The following ZNF836 variants were observed in gnomAD, a reference collection of about 807,000 sequenced individuals.
The protein encoded by ZNF836 is zinc finger protein 836.
Under a neutral mutation model 7.4 loss-of-function variants are expected in ZNF836, and 12 were observed. The observed-to-expected ratio is 1.61, with a 90% CI of 1.03 to 2.61. The LOEUF is 2.61. Among genes scored for constraint, ZNF836 ranks in the 30% most tolerant of loss-of-function variants. The probability of loss-of-function intolerance (pLI) is 0.00; values close to 1 mark genes in which losing one functional copy is unlikely to be tolerated. For missense variants in ZNF836, 998 were observed against 1,126.2 expected, an observed-to-expected ratio of 0.89 and a Z score of 1.63; for synonymous variants, 365 against 382.6, an observed-to-expected ratio of 0.95 and a Z score of 0.54.
rs769683779 is a variant in ZNF836 at position 52,156,854 on chromosome 19, C to A, written c.829G>T (p.Gly277Cys). Residue 277 changes from glycine to cysteine, a missense_variant, in exon 5 of 5, where the codon GGT (glycine) becomes TGT (cysteine). By Grantham distance (159) the Gly-to-Cys change is radical. Transcript: ENST00000682614. Reference sequence around the variant, plus strand: ...TGTCTGAAGATCTTGCCACATACACCACATTGATATGGCTTCCCCCTTGTA... The same window carrying A: ...TGTCTGAAGATCTTGCCACATACACAACATTGATATGGCTTCCCCCTTGTA... ...VHTRGKPYQC[G>C]VCGKIFRQNS... The A allele has an allele frequency of 6.2e-7, 1 of 1,614,140 alleles. No homozygotes were observed. The highest frequency in any genetic ancestry group is 2.2e-5 in the East Asian group (1 of 44,872).
chr19:52,156,911 C>G lies in ZNF836; in HGVS notation c.772G>C (p.Gly258Arg). 6.2e-7 allele frequency: 1 copy of G among 1,614,004 alleles called. No individual in the cohort carries two copies. Among genetic ancestry groups the G allele is most frequent in the East Asian group, 2.2e-5 (1 of 44,866 alleles). Residue 258 changes from glycine to arginine, a missense_variant, in exon 5 of 5, where the codon GGC (glycine) becomes CGC (arginine). Physicochemically the swap from Gly to Arg is moderately radical, Grantham distance 125 (BLOSUM62 -2). Coordinates refer to ENST00000682614, the MANE Select transcript of ZNF836 (RefSeq NM_001102657.3). ...CNECGKAFHR[G>R]SLLTIHQIVH... ...ATCTGATGTATAGTTAGTAGTGAGC[C>G]CCGATGAAAGGCTTTGCCACATTCA...
intron 1 of ZNF836, among the ~76,000 whole-genome samples, chr19:52,170,812 C>A (rs1019989761): frequency 6.6e-6 from 1 of 152,310 alleles, no homozygotes; most frequent in South Asian, 2.1e-4. Context: ...CTCACCCACA[C>A]ATTCAGTAAG....
chr19:52,160,985 A>G (rs1189417636), intron 3 of ZNF836, among the ~76,000 whole-genome samples: 2 of 152,184 alleles, frequency 1.3e-5, no homozygotes, highest in Admixed American at 1.3e-4. Flanking sequence ...AACTGTGATG[A>G]CCACAGCAAC....
At chr19:52,162,632 C>T (rs962200457) in intron 3 of ZNF836, among the ~76,000 whole-genome samples, 1 of 152,152 alleles carries the variant, frequency 6.6e-6, no homozygotes, top group Admixed American at 6.5e-5. Flanking sequence ...GCTTTTTCAG[C>T]CCTCCAAATT....
intron 1 of ZNF836, among the ~76,000 whole-genome samples, chr19:52,170,831 G>A (rs1195484937): frequency 6.6e-6 from 1 of 152,178 alleles, no homozygotes; most frequent in Admixed American, 6.5e-5. Context: ...AGAAAGGGGA[G>A]GAATAGGATG....
Position 52,156,251 on chromosome 19 carries a change from C to T in ZNF836, c.1432G>A (p.Val478Ile), listed in dbSNP as rs1295926688. 1.2e-6 allele frequency: 2 copies of T among 1,614,170 alleles called. No individual in the cohort carries two copies. The highest frequency in any genetic ancestry group is 2.2e-5 in the East Asian group (1 of 44,882). ...ACAAGATGTGAAGTCTGACTGAAGA[C>T]CTTGCCACATTCATTGCATTTGTAA... Reference protein sequence around the residue: ...KPYKCNECGKVFSQTSHLVGH... With the variant: ...KPYKCNECGKIFSQTSHLVGH... The change falls in exon 5 of 5, where the codon GTC becomes ATC. Residue 478 changes from valine (V) to isoleucine (I), a missense_variant. Val to Ile is a conservative substitution (Grantham distance 29). Transcript: ENST00000682614.
Position 52,157,494 on chromosome 19 carries a change from G to A in ZNF836, c.189C>T (p.Asn63=). Residue 63 remains asparagine (N), a synonymous_variant, in exon 5 of 5, where the codon AAC becomes AAT. Transcript: ENST00000682614. The stretch of plus-strand genomic sequence containing the variant: ...TTTGGCATTTTTCTCCTGTATTACT[G>A]TTCCCTATTGGTGGTAATTCCTTGG... ...CMTKELPPIG[N]SNTGEKCQTV... is the part of the protein sequence containing the mutation. 1 of 1,567,126 alleles carries A rather than the reference G, an allele frequency of 6.4e-7. No individual in the cohort carries two copies. Among genetic ancestry groups the A allele is most frequent in the South Asian group, 1.2e-5 (1 of 81,944 alleles).
chr19:52,156,304 T>G lies in ZNF836; in HGVS notation c.1379A>C (p.His460Pro), dbSNP rs765458428. 18 of 1,614,248 alleles carry G rather than the reference T, an allele frequency of 1.1e-5. No homozygotes were observed. Among genetic ancestry groups the G allele is most frequent in the Non-Finnish European group, 1.5e-5 (18 of 1,180,040 alleles). Residue 460 changes from histidine (H) to proline (P), a missense_variant, in exon 5 of 5, where the codon CAC becomes CCC. Coordinates refer to ENST00000682614, the MANE Select transcript of ZNF836 (RefSeq NM_001102657.3). ...TTTCTCTCCAGTATGACTTCTCTGGTGCCTTGCAAGTTGTGAACGTTGACT... is the reference window on the plus strand; with the variant it reads ...TTTCTCTCCAGTATGACTTCTCTGGGGCCTTGCAAGTTGTGAACGTTGACT... ...VFSQRSQLAR[H>P]QRSHTGEKPY...
At position 52,161,521 on chromosome 19, in the gene ZNF836, T is replaced by A. The variant is rs1205786734; in HGVS notation, c.16-930A>T. Among the ~76,000 whole-genome samples the A allele has an allele frequency of 6.6e-6, 1 of 152,082 alleles. No homozygotes were observed. The highest frequency in any genetic ancestry group is 1.5e-5 in the Non-Finnish European group (1 of 68,030). On this transcript the variant is annotated intron_variant, in intron 3 of 4. Coordinates refer to ENST00000682614, the MANE Select transcript of ZNF836 (RefSeq NM_001102657.3). The surrounding 1 kb of genome is among the most constrained non-coding windows in gnomAD (Gnocchi z 4.1). ...TCCGTAGAATAAGCCTTTTGATATC[T>A]CATTGACGAGAACACCATACCCACT... is the stretch of plus-strand genomic sequence containing the variant.
chr19:52,154,882 C>T lies in ZNF836; in HGVS notation c.2801G>A (p.Gly934Glu). 1 of 1,516,622 alleles carries T rather than the reference C, an allele frequency of 6.6e-7. No individual in the cohort carries two copies. Among genetic ancestry groups the T allele is most frequent in the Non-Finnish European group, 8.8e-7 (1 of 1,135,066 alleles). 93.9% of individuals were successfully genotyped at this position (1,516,622 alleles called of 1,614,324 possible). ...ATCAATAAGTATGAATTATTTGAAC[C>T]CAGAAGTTAGGAGAACATCTAAAGG... is the stretch of plus-strand genomic sequence containing the variant. ...EKPLDVLLTSGFK is the reference protein window; with the variant it reads ...EKPLDVLLTSEFK The change falls in exon 5 of 5, where the codon GGG (glycine) becomes GAG (glutamate). Residue 934 changes from glycine (G) to glutamate (E), a missense_variant. Coordinates refer to ENST00000682614, the MANE Select transcript of ZNF836 (RefSeq NM_001102657.3).
intron 1 of ZNF836, among the ~76,000 whole-genome samples, chr19:52,170,860 A>G (rs555301107): frequency 6.6e-6 from 1 of 152,322 alleles, no homozygotes; most frequent in Non-Finnish European, 1.5e-5. Context: ...CCGGAAAAGC[A>G]TATTTTCCAG....
chr19:52,162,781 G>T (rs903990437), intron 3 of ZNF836, among the ~76,000 whole-genome samples: 2 of 152,196 alleles, frequency 1.3e-5, no homozygotes, highest in Non-Finnish European at 2.9e-5. Context: ...CAAGGAGCCC[G>T]GCGCCAGGGA....
chr19:52,164,912 AC>A (rs926199375), intron 3 of ZNF836, among the ~76,000 whole-genome samples: 3 of 151,978 alleles, frequency 2.0e-5, no homozygotes, highest in African/African-American at 7.3e-5. Flanking sequence ...ACATGGTGAA[AC>A]CCCCTCTCTC....
chr19:52,159,428 G>A lies in ZNF836; in HGVS notation c.142+1037C>T, dbSNP rs148287337. Among the ~76,000 whole-genome samples the A allele has an allele frequency of 6.3e-3, 966 of 152,228 alleles. 7 individuals are homozygous for A. Among genetic ancestry groups the A allele is most frequent in the Middle Eastern group, 0.045 (13 of 292 alleles). On this transcript the variant is annotated intron_variant, in intron 4 of 4. Transcript: ENST00000682614. ...AGTAAGACATGAACCTGGGTTTCCG[G>A]GATCAAACATGTTTTTAAATAAAAC... is the stretch of plus-strand genomic sequence containing the variant.
chr19:52,159,949 C>T (rs2089198444), intron 4 of ZNF836, among the ~76,000 whole-genome samples: 1 of 151,928 alleles, frequency 6.6e-6, no homozygotes, highest in African/African-American at 2.4e-5. Context: ...TTCGGGAGGC[C>T]AAGGCGGGCA....
chr19:52,158,535 G>A (rs2089186362), intron 4 of ZNF836, among the ~76,000 whole-genome samples: 1 of 151,948 alleles, frequency 6.6e-6, no homozygotes, highest in Non-Finnish European at 1.5e-5. Flanking sequence ...ATGAGGTCAG[G>A]AGTTCGAGAC....
At position 52,157,513 on chromosome 19, in the gene ZNF836, T is replaced by C. The variant is rs752455185; in HGVS notation, c.170A>G (p.Glu57Gly). 6.5e-7 allele frequency: 1 copy of C among 1,540,570 alleles called. No homozygotes were observed. Among genetic ancestry groups the C allele is most frequent in the Non-Finnish European group, 8.7e-7 (1 of 1,150,138 alleles). Residue 57 changes from glutamate to glycine, a missense_variant, in exon 5 of 5, where the codon GAA becomes GGA. Transcript: ENST00000682614. ...ATTACTGTTCCCTATTGGTGGTAAT[T>C]CCTTGGTCATACATTTAGGAAGGAT... ...LGILPKCMTK[E>G]LPPIGNSNTG...
chr19:52,162,087 G>A (rs2122218635), intron 3 of ZNF836, among the ~76,000 whole-genome samples: 1 of 152,324 alleles, frequency 6.6e-6, no homozygotes, highest in African/African-American at 2.4e-5. Context: ...CTGGAGTAGA[G>A]GTTGGGTCCC....
intron 4 of ZNF836, chr19:52,160,228 C>T: frequency 2.0e-6 from 1 of 512,516 alleles, no homozygotes; most frequent in Non-Finnish European, 3.4e-6. Flanking sequence ...CTGACTAATA[C>T]TTAAATATGG....
Sources: allele counts gnomAD v4.1 joint callset (sites outside exome capture counted in the v4.1 genomes callset), GRCh38; gene constraint gnomAD v4.1.1; non-coding constraint Gnocchi (gnomAD v3.1); transcripts MANE v1.5; gene names NCBI Gene and HGNC (gene_info 2026-07-23, HGNC 2026-07-21).